ZSCAN5A: variants seen among roughly 807,000 people sequenced by gnomAD.
ZSCAN5A encodes the protein zinc finger and SCAN domain containing 5A, also known as zinc finger and SCAN domain-containing protein 5A.
In ZSCAN5A, 12 loss-of-function variants were observed where a neutral mutation model predicts 23.7. The observed-to-expected ratio is 0.51, with a 90% CI of 0.32 to 0.82. ZSCAN5A has a LOEUF of 0.82. Among genes scored for constraint, ZSCAN5A ranks in the 40% least tolerant of loss-of-function variants. The pLI, the probability that ZSCAN5A is intolerant of heterozygous loss-of-function variation, is 0.03. For missense variants in ZSCAN5A, 597 were observed against 617.9 expected (o/e 0.97, Z 0.36); for synonymous variants, 257 against 239.9 (o/e 1.07, Z -0.66).
chr19:56,312,368 A>G (rs1314495873), intron 2 of ZSCAN5A: 1 of 152,260 alleles, frequency 6.6e-6, no homozygotes, highest in Non-Finnish European at 1.5e-5. Flanking sequence ...CCCATAATCC[A>G]AGTCTAGTCA....
intron 2 of ZSCAN5A, among the ~76,000 whole-genome samples, chr19:56,302,580 C>T (rs868395022): frequency 1.2e-4 from 9 of 77,780 alleles, no homozygotes; most frequent in South Asian, 6.4e-4. Flanking sequence ...TTTCTTCCTC[C>T]CCCTTTTCTT....
intron 2 of ZSCAN5A, chr19:56,228,173 AAAT>A: frequency 2.0e-6 from 2 of 980,290 alleles, no homozygotes; most frequent in South Asian, 9.5e-5. Flanking sequence ...ACGCACGAAA[AAAT>A]AAACCCAAAC....
chr19:56,244,965 G>C (rs1453855242), intron 2 of ZSCAN5A, among the ~76,000 whole-genome samples: 1 of 152,178 alleles, frequency 6.6e-6, no homozygotes, highest in Non-Finnish European at 1.5e-5. Context: ...GGCCAATTGA[G>C]TTGGATTCAC....
At chr19:56,305,340 C>T (rs897304540) in intron 2 of ZSCAN5A, among the ~76,000 whole-genome samples, 14 of 152,208 alleles carry the variant, frequency 9.2e-5, no homozygotes, top group Non-Finnish European at 1.8e-4. Context: ...TCATACACTA[C>T]GTGGCCCTTT....
chr19:56,322,347 G>A, intron 2 of ZSCAN5A: 2 of 790,360 alleles, frequency 2.5e-6, no homozygotes, highest in Non-Finnish European at 4.6e-6. Context: ...TCTGCCGCCA[G>A]ATCTGGCTTC....
chr19:56,284,581 T>G lies in ZSCAN5A; in HGVS notation c.-128+28702A>C, dbSNP rs1336423925. Among the ~76,000 whole-genome samples, 3 of 145,868 alleles carry G rather than the reference T, an allele frequency of 2.1e-5. No homozygotes were observed. In the East Asian group the frequency reaches 6.0e-4, roughly 29 times the overall value. On this transcript the variant is annotated intron_variant, in intron 2 of 5. Coordinates refer to ENST00000683990, the MANE Select transcript of ZSCAN5A (RefSeq NM_001322064.3). Reference sequence around the variant, plus strand: ...TCAGGCTGGAGTGCAGTGGCACAATTGTAGGTCACTGCAGCCTCTGCCTCC... The same window carrying G: ...TCAGGCTGGAGTGCAGTGGCACAATGGTAGGTCACTGCAGCCTCTGCCTCC...
chr19:56,344,775 C>T (rs1331246390), intron 2 of ZSCAN5A, among the ~76,000 whole-genome samples: 4 of 150,418 alleles, frequency 2.7e-5, no homozygotes, highest in East Asian at 1.9e-4. Flanking sequence ...CGGTGGCGGG[C>T]GCCTGTAGTC....
chr19:56,287,357 T>G (rs540558904), intron 2 of ZSCAN5A, among the ~76,000 whole-genome samples: 2 of 152,110 alleles, frequency 1.3e-5, no homozygotes, highest in Non-Finnish European at 2.9e-5. Flanking sequence ...GAGCACATGG[T>G]TCCTCACCTT....
intron 2 of ZSCAN5A, chr19:56,247,391 C>CACCGAGAT: frequency 5.1e-6 from 1 of 197,102 alleles, no homozygotes; most frequent in Non-Finnish European, 1.1e-5. Context: ...GGAGAGAAAC[C>CACCGAGAT]CTATAAATGT....
chr19:56,283,879 C>A (rs2038903251), intron 2 of ZSCAN5A: 1 of 152,204 alleles, frequency 6.6e-6, no homozygotes, highest in Admixed American at 6.5e-5. Context: ...ATCATCTTTT[C>A]TTCTGTTCCT....
intron 2 of ZSCAN5A, chr19:56,320,948 T>C (rs575391885): frequency 3.4e-5 from 25 of 745,840 alleles, no homozygotes; most frequent in Non-Finnish European, 5.3e-5. Flanking sequence ...TGCTTTCAAA[T>C]TGTGGGTTTT....
intron 2 of ZSCAN5A, chr19:56,310,123 G>A (rs1310093266): frequency 6.6e-6 from 1 of 152,318 alleles, no homozygotes; most frequent in East Asian, 1.9e-4. Flanking sequence ...TCCTTTCTTA[G>A]GGATGATCCC....
intron 2 of ZSCAN5A, among the ~76,000 whole-genome samples, chr19:56,345,188 G>C (rs889217081): frequency 3.3e-5 from 5 of 151,904 alleles, no homozygotes; most frequent in Admixed American, 3.3e-4. Flanking sequence ...TTTAAAGCTA[G>C]CTTGTTTATT....
chr19:56,305,509 C>T (rs1456176688), intron 2 of ZSCAN5A, among the ~76,000 whole-genome samples: 2 of 152,184 alleles, frequency 1.3e-5, no homozygotes, highest in African/African-American at 4.8e-5. Context: ...TTGCTCCCAC[C>T]TTTTGACTGT....
chr19:56,322,056 T>G (rs112787604), intron 2 of ZSCAN5A: 56 of 771,446 alleles, frequency 7.3e-5, no homozygotes, highest in African/African-American at 5.1e-4. Flanking sequence ...CGGCATCTAG[T>G]GCACAGCCAC....
intron 2 of ZSCAN5A, chr19:56,300,017 C>T (rs1218661378): frequency 1.3e-5 from 2 of 152,188 alleles, no homozygotes; most frequent in Non-Finnish European, 2.9e-5. Flanking sequence ...AAAGATGAGC[C>T]TCATTTTTTA....
intron 2 of ZSCAN5A, among the ~76,000 whole-genome samples, chr19:56,265,111 G>GA (rs2037382365): frequency 6.6e-6 from 1 of 151,950 alleles, no homozygotes; most frequent in Non-Finnish European, 1.5e-5. Flanking sequence ...GACAGAGTGA[G>GA]ACTCCATCTC....
rs538542769 is a variant in ZSCAN5A at position 56,270,864 on chromosome 19, G to A, written c.-128+42419C>T. On this transcript the variant is annotated intron_variant, in intron 2 of 5. Coordinates refer to ENST00000683990, the MANE Select transcript of ZSCAN5A (RefSeq NM_001322064.3). ...GGAAGACAGCCCCCACCACAAAAAC[G>A]ATCTAGTCCTAAATGTCAGCTGTGC... Among the ~76,000 whole-genome samples the A allele has an allele frequency of 1.9e-4, 29 of 152,202 alleles. No individual in the cohort carries two copies. The South Asian group carries it at 3.9e-3, about 21-fold the overall frequency.
chr19:56,361,578 C>T (rs1267793368), intron 2 of ZSCAN5A, among the ~76,000 whole-genome samples: 1 of 152,116 alleles, frequency 6.6e-6, no homozygotes, highest in African/African-American at 2.4e-5. Flanking sequence ...AGCTGAAAGA[C>T]ATTATCCTCA....
Sources: gnomAD v4.1 joint callset for allele counts (sites outside exome capture counted in the v4.1 genomes callset) on GRCh38, gnomAD v4.1.1 for gene constraint, MANE v1.5 for transcripts, NCBI Gene and HGNC (gene_info 2026-07-23, HGNC 2026-07-21) for gene names.